PLIN4: variants seen among roughly 807,000 people sequenced by gnomAD.
PLIN4 encodes the protein perilipin-4.
In PLIN4, 57 loss-of-function variants were observed where a neutral mutation model predicts 52.4. That is an observed-to-expected ratio of 1.09 (90% CI 0.88 to 1.36). The LOEUF is 1.36. Among genes scored for constraint, PLIN4 ranks in the 40% most tolerant of loss-of-function variants. The pLI is 0.00. For synonymous variants in PLIN4, 826 were observed against 785.4 expected (o/e 1.05, Z -0.86); for missense variants, 1,757 against 1,770.3 (o/e 0.99, Z 0.13).
intron 6 of PLIN4, among the ~76,000 whole-genome samples, chr19:4,507,372 G>C (rs1388940960): frequency 6.6e-6 from 1 of 152,376 alleles, no homozygotes; most frequent in African/African-American, 2.4e-5. Flanking sequence ...AGAAGCTCAA[G>C]ACCAGCCTGG....
intron 6 of PLIN4, among the ~76,000 whole-genome samples, chr19:4,506,535 C>A (rs564388933): frequency 6.6e-6 from 1 of 152,350 alleles, no homozygotes; most frequent in African/African-American, 2.4e-5. Flanking sequence ...GCCCCCCACC[C>A]CCCAAGGGCA....
Position 4,512,048 on chromosome 19 carries a change from C to A in PLIN4, c.1912G>T (p.Val638Phe). The change falls in exon 5 of 8, where the codon GTC becomes TTC. Residue 638 changes from valine (V) to phenylalanine (F), a missense_variant. Coordinates refer to ENST00000301286, the MANE Select transcript of PLIN4 (RefSeq NM_001367868.2). ...TTGGCCACGTTCACGGCACTGGTGACCCCACTGTAGATGGTGTCCTTGGTA... is the reference window on the plus strand; with the variant it reads ...TTGGCCACGTTCACGGCACTGGTGAACCCACTGTAGATGGTGTCCTTGGTA... ...TGTKDTIYSG[V>F]TSAVNVAKGA... is the part of the protein sequence containing the mutation. 1 of 1,611,988 alleles carries A rather than the reference C, an allele frequency of 6.2e-7. No homozygotes were observed.
chr19:4,517,802 C>T, intron 2 of PLIN4, 104 bp from the exon 3 acceptor site: 1 of 1,412,706 alleles, frequency 7.1e-7, no homozygotes, highest in Non-Finnish European at 9.5e-7. Context: ...CGGCCCCTTG[C>T]TCCTGGGTGA....
At position 4,504,938 on chromosome 19, in the gene PLIN4, C is replaced by A. The variant is rs1347411880; in HGVS notation, c.3712G>T (p.Ala1238Ser). Reference sequence around the variant, plus strand: ...GGCTGCCCTTCTGGAGCCTGCTGGGCCTTTTCAATCTGGAGAGAGAGTACA... The same window carrying A: ...GGCTGCCCTTCTGGAGCCTGCTGGGACTTTTCAATCTGGAGAGAGAGTACA... ...LQDCFRLIEK[A>S]QQAPEGQPRL... Residue 1238 changes from alanine (A) to serine (S), a missense_variant, in exon 7 of 8, where the codon GCC becomes TCC. This residue lies in a region of PLIN4 where 712 missense variants were observed against 637.1 expected (regional missense o/e 1.12). Coordinates refer to ENST00000301286, the MANE Select transcript of PLIN4 (RefSeq NM_001367868.2). 1.2e-6 allele frequency: 2 copies of A among 1,603,746 alleles called. No homozygotes were observed. Among genetic ancestry groups the A allele is most frequent in the East Asian group, 2.2e-5 (1 of 44,626 alleles).
chr19:4,509,406 C>G (rs866088558), intron 5 of PLIN4, among the ~76,000 whole-genome samples: 41 of 150,820 alleles, frequency 2.7e-4, no homozygotes, highest in African/African-American at 9.5e-4. Flanking sequence ...CACCTGGGAT[C>G]AGGAGCTCGA....
rs957650435 is a variant in PLIN4 at position 4,510,521 on chromosome 19, G to A, written c.3439C>T (p.Pro1147Ser). The change falls in exon 5 of 8, where the codon CCA (proline) becomes TCA (serine). Residue 1147 changes from proline (P) to serine (S), a missense_variant. Coordinates refer to ENST00000301286, the MANE Select transcript of PLIN4 (RefSeq NM_001367868.2). Reference sequence around the variant, plus strand: ...TCATTCTGCAGCATTGCCAAGCGTGGGGCTTCTTCGGGGCCGTGTGTGGTG... The same window carrying A: ...TCATTCTGCAGCATTGCCAAGCGTGAGGCTTCTTCGGGGCCGTGTGTGGTG... ...LATTHGPEEA[P>S]RLAMLQNELE... The A allele has an allele frequency of 9.4e-6, 14 of 1,482,442 alleles. No homozygotes were observed. The African/African-American group carries it at 1.8e-4, about 19-fold the overall frequency. The allele number at this position is 1,482,442 out of a possible 1,614,324, so 91.8% of individuals were successfully genotyped here. A position where few individuals can be genotyped will look rare whatever the true frequency, so the allele number is the denominator to read the frequency against.
intron 3 of PLIN4, among the ~76,000 whole-genome samples, 188 bp downstream of exon 3, chr19:4,517,366 C>T (rs1358469560): frequency 2.0e-5 from 3 of 152,146 alleles, no homozygotes; most frequent in African/African-American, 4.8e-5. Flanking sequence ...AAGCCACCTT[C>T]GGCCACTCAC....
rs1364941057 is a variant in PLIN4, at chr19:4,502,864, T to C, written c.*1595A>G. On this transcript the variant is annotated 3_prime_UTR_variant, in exon 8 of 8. Transcript: ENST00000301286. The stretch of plus-strand genomic sequence containing the variant: ...TCCTGCCCAGCGTAGCCGAGTTGCC[T>C]CCGTCCCAGTAAGAATTAGGCTGTG... 2.0e-5 allele frequency: 3 copies of C among 152,450 alleles called. No individual in the cohort carries two copies. The highest frequency in any genetic ancestry group is 4.4e-5 in the Non-Finnish European group (3 of 68,190). The allele number at this position is 152,450 out of a possible 1,614,324, so 9.4% of individuals were successfully genotyped here. A position where few individuals can be genotyped will look rare whatever the true frequency, so the allele number is the denominator to read the frequency against.
chr19:4,508,937 T>C lies in PLIN4; in HGVS notation c.3533A>G (p.Gln1178Arg). The C allele has an allele frequency of 1.2e-6, 2 of 1,611,442 alleles. No individual in the cohort carries two copies. Among genetic ancestry groups the C allele is most frequent in the Non-Finnish European group, 1.7e-6 (2 of 1,179,116 alleles). The change falls in exon 6 of 8, where the codon CAG becomes CGG. Residue 1178 changes from glutamine (Q) to arginine (R), a missense_variant. Gln to Arg is a conservative substitution (Grantham distance 43). This residue lies in a region of PLIN4 where 712 missense variants were observed against 637.1 expected (regional missense o/e 1.12). Transcript: ENST00000301286. ...CGCCGACAGCACCTTTGGCCCAGGC[T>C]GGGAGGCAGCCAGCTGAGCTGGAAA... ...AEEQAQLAAS[Q>R]PGPKVLSAEQ...
rs1203603050 is a variant in PLIN4 at position 4,513,619 on chromosome 19, A to G, written c.341T>C (p.Val114Ala). The G allele has an allele frequency of 1.2e-6, 2 of 1,609,338 alleles. No individual in the cohort carries two copies. Among genetic ancestry groups the G allele is most frequent in the East Asian group, 2.2e-5 (1 of 44,756 alleles). ...CTGGACCACTCCCTTAGCCACGTCC[A>G]CCACGCTGGCCACCCCGGAGGACAC... is the stretch of plus-strand genomic sequence containing the variant. ...DAVSSGVASV[V>A]DVAKGVVQGG... is the part of the protein sequence containing the mutation. The change falls in exon 5 of 8, where the codon GTG (valine) becomes GCG (alanine). Residue 114 changes from valine (V) to alanine (A), a missense_variant. Physicochemically the swap from Val to Ala is moderately conservative, Grantham distance 64. Coordinates refer to ENST00000301286, the MANE Select transcript of PLIN4 (RefSeq NM_001367868.2).
At position 4,510,862 on chromosome 19, in the gene PLIN4, C is replaced by G. The variant is rs200266507; in HGVS notation, c.3098G>C (p.Gly1033Ala). 1,392 of 1,613,654 alleles carry G rather than the reference C, an allele frequency of 8.6e-4. 15 individuals carry two copies. The African/African-American group carries it at 0.016, about 18-fold the overall frequency. Residue 1033 changes from glycine to alanine, a missense_variant, in exon 5 of 8, where the codon GGG (glycine) becomes GCG (alanine). Physicochemically the swap from Gly to Ala is moderately conservative, Grantham distance 60. Around this residue, in one of 7 missense-constraint regions of PLIN4, gnomAD observed 712 missense variants for 637.1 expected, o/e 1.12. Coordinates refer to ENST00000301286, the MANE Select transcript of PLIN4 (RefSeq NM_001367868.2). ...LTGTKDAVSA[G>A]LMGSGNVATG... Reference sequence around the variant, plus strand: ...CGCCACGTTCCCTGACCCCATGAGCCCAGCGGACACTGCGTCTTTGGTTCC... The same window carrying G: ...CGCCACGTTCCCTGACCCCATGAGCGCAGCGGACACTGCGTCTTTGGTTCC...
chr19:4,510,977 C>T lies in PLIN4; in HGVS notation c.2983G>A (p.Asp995Asn), dbSNP rs747975327. The T allele has an allele frequency of 1.2e-6, 2 of 1,612,996 alleles. No homozygotes were observed. The highest frequency in any genetic ancestry group is 1.7e-6 in the Non-Finnish European group (2 of 1,179,758). The change falls in exon 5 of 8, where the codon GAC becomes AAC. Residue 995 changes from aspartate to asparagine, a missense_variant. By Grantham distance (23) the Asp-to-Asn change is conservative. Around this residue, in one of 7 missense-constraint regions of PLIN4, gnomAD observed 712 missense variants for 637.1 expected, o/e 1.12. Coordinates refer to ENST00000301286, the MANE Select transcript of PLIN4 (RefSeq NM_001367868.2). ...ASKAVLMGTK[D>N]TVFSGVTGAM... ...CCGGTAACCCCACTGAAGACAGTGT[C>T]CTTGGTACCCATAAGCACAGCCTTG...
Position 4,512,256 on chromosome 19 carries a change from C to T in PLIN4, c.1704G>A (p.Met568Ile), listed in dbSNP as rs773375811. The T allele has an allele frequency of 1.2e-6, 2 of 1,610,858 alleles. No homozygotes were observed. Among genetic ancestry groups the T allele is most frequent in the South Asian group, 2.2e-5 (2 of 90,934 alleles). ...TCGCTGCCCCCGTGAGCCCAGTGGA[C>T]ATCGTGTCTTTTGTACCTATGACCA... Reference protein sequence around the residue: ...KSVVIGTKDTMSTGLTGAANV... With the variant: ...KSVVIGTKDTISTGLTGAANV... Residue 568 changes from methionine (M) to isoleucine (I), a missense_variant, in exon 5 of 8, where the codon ATG becomes ATA. This residue lies in a region of PLIN4 where 439 missense variants were observed against 406.4 expected (regional missense o/e 1.08). Coordinates refer to ENST00000301286, the MANE Select transcript of PLIN4 (RefSeq NM_001367868.2).
chr19:4,506,039 C>T (rs752984601), intron 6 of PLIN4, among the ~76,000 whole-genome samples: 7 of 152,116 alleles, frequency 4.6e-5, no homozygotes, highest in Admixed American at 1.3e-4. Flanking sequence ...TCCTGAGGCC[C>T]GGCAGCACTT....
In PLIN4 at chr19:4,512,112, G is replaced by A. The variant is rs1976400557; in HGVS notation, c.1848C>T (p.Val616=). ...TTTTGGTGGTGTCCATGCCTGTCTG[G>A]ACGGTCCCTTTGGCGACATTCACTG... ...VGAVNVAKGT[V]QTGMDTTKTV... The change falls in exon 5 of 8, where the codon GTC becomes GTT. Residue 616 remains valine, a synonymous_variant. Coordinates refer to ENST00000301286, the MANE Select transcript of PLIN4 (RefSeq NM_001367868.2). The A allele has an allele frequency of 6.2e-7, 1 of 1,607,034 alleles. No homozygotes were observed. The highest frequency in any genetic ancestry group is 2.2e-5 in the East Asian group (1 of 44,724).
At position 4,503,963 on chromosome 19, in the gene PLIN4, C is replaced by G. The variant is rs1041818349; in HGVS notation, c.*496G>C. On this transcript the variant is annotated 3_prime_UTR_variant, in exon 8 of 8. Transcript: ENST00000301286. ...ACCCTCAAGGTGTGTGTGCTAAGGC[C>G]GGAGACCCACTTTCAGCATGAGAAC... 6.5e-6 allele frequency: 1 copy of G among 154,426 alleles called. No homozygotes were observed. Among genetic ancestry groups the G allele is most frequent in the Admixed American group, 6.5e-5 (1 of 15,348 alleles). The allele number at this position is 154,426 out of a possible 1,614,324, so 9.6% of individuals were successfully genotyped here.
chr19:4,511,142 T>G lies in PLIN4; in HGVS notation c.2818A>C (p.Asn940His), dbSNP rs370728313. The G allele has an allele frequency of 9.2e-5, 148 of 1,610,470 alleles. 1 individual carries two copies. The South Asian group carries it at 1.1e-3, about 12-fold the overall frequency. ...GTCTGGACGGTCCCTTTGGCCACATTTACGGCACCAGTGACTCCACTGCAG... is the reference window on the plus strand; with the variant it reads ...GTCTGGACGGTCCCTTTGGCCACATGTACGGCACCAGTGACTCCACTGCAG... ...TVCSGVTGAV[N>H]VAKGTVQTGV... Residue 940 changes from asparagine (N) to histidine (H), a missense_variant, in exon 5 of 8, where the codon AAT becomes CAT. Coordinates refer to ENST00000301286, the MANE Select transcript of PLIN4 (RefSeq NM_001367868.2).
In PLIN4 at chr19:4,510,899, T is replaced by C. The variant is rs778213179; in HGVS notation, c.3061A>G (p.Thr1021Ala). 6.2e-7 allele frequency: 1 copy of C among 1,613,610 alleles called. No homozygotes were observed. Among genetic ancestry groups the C allele is most frequent in the South Asian group, 1.1e-5 (1 of 91,078 alleles). ...GCGTCTTTGGTTCCGGTCAGCACTG[T>C]CTTGGTGGTGTCCAGGCCCCCCTGG... is the stretch of plus-strand genomic sequence containing the variant. Reference protein sequence around the residue: ...AVQGGLDTTKTVLTGTKDAVS... With the variant: ...AVQGGLDTTKAVLTGTKDAVS... The change falls in exon 5 of 8, where the codon ACA becomes GCA. Residue 1021 changes from threonine (T) to alanine (A), a missense_variant. Coordinates refer to ENST00000301286, the MANE Select transcript of PLIN4 (RefSeq NM_001367868.2).
chr19:4,510,729 C>T lies in PLIN4; in HGVS notation c.3231G>A (p.Gly1077=), dbSNP rs753421910. The T allele has an allele frequency of 2.6e-6, 4 of 1,544,596 alleles. No homozygotes were observed. Among genetic ancestry groups the T allele is most frequent in the Non-Finnish European group, 3.5e-6 (4 of 1,146,426 alleles). ...CTTGGGGGCTCAGGGCAGTCTGCTCCCCACCATTGTCTGTGGTCCTGGAAC... is the reference window on the plus strand; with the variant it reads ...CTTGGGGGCTCAGGGCAGTCTGCTCTCCACCATTGTCTGTGGTCCTGGAAC... ...LTSSRTTDNG[G]EQTALSPQEA... is the part of the protein sequence containing the mutation. Residue 1077 remains glycine (G), a synonymous_variant, in exon 5 of 8, where the codon GGG becomes GGA. Coordinates refer to ENST00000301286, the MANE Select transcript of PLIN4 (RefSeq NM_001367868.2).
Sources: allele counts gnomAD v4.1 joint callset (sites outside exome capture counted in the v4.1 genomes callset), GRCh38; gene constraint gnomAD v4.1.1; regional missense constraint gnomAD v4.1.1; transcripts MANE v1.5; gene names NCBI Gene and HGNC (gene_info 2026-07-23, HGNC 2026-07-21).